Variants in TRHDE observed in about 807,000 individuals in gnomAD.
TRHDE encodes the protein thyrotropin-releasing hormone-degrading ectoenzyme.
TRHDE carries 72 observed loss-of-function variants against 125.7 expected under a neutral mutation model. The ratio of observed to expected loss-of-function variants is 0.57; its 90% CI spans 0.47 to 0.70. The LOEUF is 0.70. Among genes scored for constraint, TRHDE ranks in the 30% least tolerant of loss-of-function variants. TRHDE has a pLI of 0.00. For synonymous variants in TRHDE, 509 were observed against 509.1 expected (o/e 1.00, Z 0.00); for missense variants, 1,110 against 1,327.1 (o/e 0.84, Z 2.54).
At chr12:72,099,386 A>T (rs1350464679) in intron 1 of TRHDE, among the ~76,000 whole-genome samples, 2 of 152,196 alleles carry the variant, frequency 1.3e-5, no homozygotes, top group Non-Finnish European at 2.9e-5. Context: ...TGCAGAGGGT[A>T]ACTGTGACAG....
chr12:72,657,639 A>G (rs1187092685), intron 18 of TRHDE, among the ~76,000 whole-genome samples: 1 of 152,192 alleles, frequency 6.6e-6, no homozygotes, highest in African/African-American at 2.4e-5. Context: ...GTTATGGAGT[A>G]TCTAACATTT....
At chr12:72,339,505 C>T (rs902651771) in intron 2 of TRHDE, among the ~76,000 whole-genome samples, 3 of 152,076 alleles carry the variant, frequency 2.0e-5, no homozygotes, top group East Asian at 1.9e-4. Flanking sequence ...CTCTAAGGAA[C>T]GTCAGCATAG....
intron 4 of TRHDE, among the ~76,000 whole-genome samples, chr12:72,470,829 T>A (rs2135898751): frequency 6.7e-6 from 1 of 149,026 alleles, no homozygotes; most frequent in Non-Finnish European, 1.5e-5. Flanking sequence ...GATGAAGTGA[T>A]CCGGGTCAGA....
chr12:72,573,108 TAG>T (rs1244081111), intron 10 of TRHDE, among the ~76,000 whole-genome samples: 2 of 151,940 alleles, frequency 1.3e-5, no homozygotes, highest in Non-Finnish European at 2.9e-5. Context: ...TGAAGACACT[TAG>T]AGATTAATTA....
At chr12:72,408,212 C>A (rs1351343476) in intron 3 of TRHDE, among the ~76,000 whole-genome samples, 3 of 152,096 alleles carry the variant, frequency 2.0e-5, no homozygotes, top group Non-Finnish European at 4.4e-5. Context: ...TTGATGAGGG[C>A]AACATACTCA....
chr12:72,255,829 TC>T (rs1174596879), intron 2 of TRHDE: 1 of 152,172 alleles, frequency 6.6e-6, no homozygotes, highest in African/African-American at 2.4e-5. Flanking sequence ...CAGGGAACTG[TC>T]CTGCGATAAA....
At chr12:72,347,792 A>G (rs1011773604) in intron 2 of TRHDE, among the ~76,000 whole-genome samples, 1 of 152,086 alleles carries the variant, frequency 6.6e-6, no homozygotes, top group Non-Finnish European at 1.5e-5. Flanking sequence ...GAATAACAAG[A>G]CAGAGCGTAA....
intron 2 of TRHDE, among the ~76,000 whole-genome samples, chr12:72,135,255 T>C (rs1185280183): frequency 1.3e-5 from 2 of 152,190 alleles, no homozygotes; most frequent in Non-Finnish European, 1.5e-5. Context: ...TTCTCTTCTG[T>C]TTATTATTAA....
At chr12:72,529,525 C>T (rs1348689942) in intron 6 of TRHDE, among the ~76,000 whole-genome samples, 2 of 152,062 alleles carry the variant, frequency 1.3e-5, no homozygotes, top group Non-Finnish European at 2.9e-5. Flanking sequence ...TGCTGCTATA[C>T]AATATGTAAA....
intron 2 of TRHDE, among the ~76,000 whole-genome samples, chr12:72,106,297 A>G (rs1444645248): frequency 6.6e-6 from 1 of 152,190 alleles, no homozygotes; most frequent in Non-Finnish European, 1.5e-5. Flanking sequence ...AAAAGTTTAA[A>G]CGTTGTAAAT....
Position 72,386,268 on chromosome 12 carries a change from A to G in TRHDE, c.1315+8147A>G, listed in dbSNP as rs369807457. On this transcript the variant is annotated intron_variant, in intron 3 of 18. Transcript: ENST00000261180. ...CCAAGGCATTGTTTTACATAATCCA[A>G]CAGTGTTTTGGCCATTACAGCTTTG... Among the ~76,000 whole-genome samples the G allele has an allele frequency of 5.3e-5, 8 of 152,348 alleles. No homozygotes were observed. In the East Asian group the frequency reaches 9.6e-4, roughly 18 times the overall value.
At chr12:72,468,271 C>T (rs746594115) in intron 3 of TRHDE, among the ~76,000 whole-genome samples, 4 of 152,126 alleles carry the variant, frequency 2.6e-5, no homozygotes, top group Admixed American at 6.5e-5. Flanking sequence ...CTTATTTCCT[C>T]GACATTGTCT....
At chr12:72,095,376 G>A (rs949738252) in intron 1 of TRHDE, among the ~76,000 whole-genome samples, 11 of 152,288 alleles carry the variant, frequency 7.2e-5, no homozygotes, top group Admixed American at 2.6e-4. Context: ...AGAGATCCTA[G>A]GAAGGAGTGA....
intron 5 of TRHDE, among the ~76,000 whole-genome samples, chr12:72,496,036 A>G (rs1295588405): frequency 6.6e-6 from 1 of 152,208 alleles, no homozygotes; most frequent in African/African-American, 2.4e-5. Flanking sequence ...AACAGATTTT[A>G]AAGTCTCCAT....
At chr12:72,244,292 A>G (rs1175621597) in intron 2 of TRHDE, among the ~76,000 whole-genome samples, 3 of 152,160 alleles carry the variant, frequency 2.0e-5, no homozygotes, top group Non-Finnish European at 2.9e-5. Flanking sequence ...CACACATAGG[A>G]GCAAATGAGC....
intron 3 of TRHDE, among the ~76,000 whole-genome samples, chr12:72,385,323 A>G (rs1351868452): frequency 6.6e-6 from 1 of 152,088 alleles, no homozygotes; most frequent in East Asian, 1.9e-4. Flanking sequence ...GGTTAGCATT[A>G]TTAGTGCTTT....
rs542495501 is a variant in TRHDE at position 72,435,927 on chromosome 12, A to T, written c.1316-33831A>T. 2.0e-5 allele frequency among the ~76,000 whole-genome samples: 3 copies of T among 152,206 alleles called. No homozygotes were observed. In the East Asian group the frequency reaches 5.8e-4, roughly 29 times the overall value. ...GTAGGAAAGGCAAAAAAAAGTATAA[A>T]TGATAAAGGTGAAAATTTAATTTTT... On this transcript the variant is annotated intron_variant, in intron 3 of 18. Transcript: ENST00000261180.
chr12:72,107,791 G>A (rs1875222399), intron 2 of TRHDE, among the ~76,000 whole-genome samples: 1 of 151,928 alleles, frequency 6.6e-6, no homozygotes, highest in Admixed American at 6.6e-5. Context: ...AATTTAAAAT[G>A]AACTTATTAC....
At position 72,232,529 on chromosome 12, in the gene TRHDE, G is replaced by T. The variant is rs1347561201; in HGVS notation, n.279+126777G>T. The stretch of plus-strand genomic sequence containing the variant: ...GAGGGGCAGTCTCTCCCTAGTCAGC[G>T]AGGGCCCAGATAACAGAGCATCAAG... On this transcript the variant is annotated intron_variant and non_coding_transcript_variant, in intron 2 of 4. Coordinates refer to the TRHDE transcript ENST00000548156. 5.3e-5 allele frequency among the ~76,000 whole-genome samples: 8 copies of T among 152,020 alleles called. No homozygotes were observed. The South Asian group carries it at 1.7e-3, about 32-fold the overall frequency.
Sources: gnomAD v4.1 joint callset for allele counts (sites outside exome capture counted in the v4.1 genomes callset) on GRCh38, gnomAD v4.1.1 for gene constraint, MANE v1.5 for transcripts, NCBI Gene and HGNC (gene_info 2026-07-23, HGNC 2026-07-21) for gene names.